ZNF385B: variants seen among roughly 807,000 people sequenced by gnomAD.
ZNF385B encodes the protein zinc finger protein 533.
Under a neutral mutation model 39.2 loss-of-function variants are expected in ZNF385B, and 23 were observed. The ratio of observed to expected loss-of-function variants is 0.59; its 90% CI spans 0.42 to 0.83. The LOEUF is 0.83. Ranked by LOEUF, ZNF385B falls within the 40% of genes least tolerant of loss-of-function variation. The pLI is 0.00. For missense variants in ZNF385B, 552 were observed against 598.9 expected (o/e 0.92, Z 0.82); for synonymous variants, 205 against 222.6 (o/e 0.92, Z 0.70).
intron 1 of ZNF385B, among the ~76,000 whole-genome samples, chr2:179,853,251 C>A (rs17775991): frequency 0.052 from 7,909 of 152,308 alleles, 288 homozygotes; most frequent in Middle Eastern, 0.078. Flanking sequence ...TTAAATGAGT[C>A]TGCCCTAGTT....
intron 4 of ZNF385B, among the ~76,000 whole-genome samples, chr2:179,539,230 G>C (rs2059766807): frequency 6.6e-6 from 1 of 152,140 alleles, no homozygotes; most frequent in African/African-American, 2.4e-5. Context: ...CCTTCTTACT[G>C]TGTGTTCCCA....
chr2:179,477,523 C>T (rs1329495825), intron 6 of ZNF385B, among the ~76,000 whole-genome samples: 1 of 152,168 alleles, frequency 6.6e-6, no homozygotes, highest in Non-Finnish European at 1.5e-5. Flanking sequence ...AAAACTATCT[C>T]CCTGCCCTCA....
At chr2:179,857,658 A>C (rs1684710112) in intron 1 of ZNF385B, among the ~76,000 whole-genome samples, 1 of 152,206 alleles carries the variant, frequency 6.6e-6, no homozygotes, top group African/African-American at 2.4e-5. Context: ...CAGGACTACT[A>C]AGGGTAGGGA....
chr2:179,833,674 C>T (rs1708099891), intron 1 of ZNF385B, among the ~76,000 whole-genome samples: 1 of 151,998 alleles, frequency 6.6e-6, no homozygotes, highest in Non-Finnish European at 1.5e-5. Context: ...CCTTTTTATA[C>T]ATTTTTGACT....
intron 3 of ZNF385B, among the ~76,000 whole-genome samples, chr2:179,563,595 C>T (rs1684190456): frequency 6.6e-6 from 1 of 152,086 alleles, no homozygotes; most frequent in Non-Finnish European, 1.5e-5. Flanking sequence ...TAATTAGATG[C>T]AGCAAAGAAA....
intron 1 of ZNF385B, among the ~76,000 whole-genome samples, chr2:179,807,903 AAAGAAAG>A (rs1706471205): frequency 6.8e-6 from 1 of 147,650 alleles, no homozygotes. Context: ...TGAAAGAAAG[AAAGAAAG>A]AAAGAAAGAA....
rs75489946 is a variant in ZNF385B at position 179,796,470 on chromosome 2, G to A, written c.-154-25798C>T. On this transcript the variant is annotated intron_variant, in intron 1 of 9. Coordinates refer to ENST00000410066, the MANE Select transcript of ZNF385B (RefSeq NM_152520.6). Reference sequence around the variant, plus strand: ...ACCATCCTAGCACTGCCTAAAGACAGCAGTCCATTTGAATACACTATACTA... The same window carrying A: ...ACCATCCTAGCACTGCCTAAAGACAACAGTCCATTTGAATACACTATACTA... Among the ~76,000 whole-genome samples, 492 of 152,196 alleles carry A rather than the reference G, an allele frequency of 3.2e-3. 3 individuals are homozygous for A. Among genetic ancestry groups the A allele is most frequent in the African/African-American group, 0.011 (469 of 41,536 alleles).
intron 3 of ZNF385B, among the ~76,000 whole-genome samples, chr2:179,593,765 G>A (rs2106080335): frequency 6.6e-6 from 1 of 152,296 alleles, no homozygotes; most frequent in Admixed American, 6.5e-5. Context: ...TAACTAGGGT[G>A]ACGATGTAAT....
intron 3 of ZNF385B, among the ~76,000 whole-genome samples, chr2:179,689,744 A>G (rs1341241710): frequency 6.6e-6 from 1 of 151,784 alleles, no homozygotes; most frequent in African/African-American, 2.4e-5. Flanking sequence ...CCACCAGCAA[A>G]AGACAAGACT....
At chr2:179,686,603 C>T (rs1193031895) in intron 3 of ZNF385B, among the ~76,000 whole-genome samples, 1 of 152,038 alleles carries the variant, frequency 6.6e-6, no homozygotes, top group African/African-American at 2.4e-5. Context: ...AATGACTGGT[C>T]GGCAGTTAGG....
chr2:179,462,535 T>G (rs10164437), intron 6 of ZNF385B, among the ~76,000 whole-genome samples: 121,989 of 151,988 alleles, frequency 0.8, 49,157 homozygotes, highest in East Asian at 0.94. Flanking sequence ...ACTGATGACA[T>G]ATATTTTAAA....
At chr2:179,801,147 AG>A (rs1258710502) in intron 1 of ZNF385B, among the ~76,000 whole-genome samples, 1 of 152,050 alleles carries the variant, frequency 6.6e-6, no homozygotes, top group Non-Finnish European at 1.5e-5. Flanking sequence ...AAATATCCTC[AG>A]GAGGTAATGA....
intron 1 of ZNF385B, among the ~76,000 whole-genome samples, chr2:179,841,307 G>A (rs909554719): frequency 6.6e-6 from 1 of 152,152 alleles, no homozygotes; most frequent in Non-Finnish European, 1.5e-5. Context: ...ATTAAGTGGA[G>A]AGTTTTGATA....
At chr2:179,707,539 C>A (rs1348422749) in intron 3 of ZNF385B, among the ~76,000 whole-genome samples, 1 of 152,192 alleles carries the variant, frequency 6.6e-6, no homozygotes, top group South Asian at 2.1e-4. Context: ...TGGGCATTAC[C>A]AAGCTCCAAT....
At chr2:179,568,907 GATAAACTAAC>G (rs1399440771) in intron 3 of ZNF385B, among the ~76,000 whole-genome samples, 1 of 152,098 alleles carries the variant, frequency 6.6e-6, no homozygotes, top group Non-Finnish European at 1.5e-5. Context: ...CTAAACTGAG[GATAAACTAAC>G]TTATTTTTTA....
intron 3 of ZNF385B, among the ~76,000 whole-genome samples, chr2:179,572,342 C>T (rs1480721360): frequency 6.6e-6 from 1 of 152,132 alleles, no homozygotes. Flanking sequence ...ATGGAGCTAA[C>T]TGCCTCGTGA....
chr2:179,744,991 T>A (rs1345634092), intron 3 of ZNF385B, among the ~76,000 whole-genome samples: 1 of 152,076 alleles, frequency 6.6e-6, no homozygotes, highest in Non-Finnish European at 1.5e-5. Flanking sequence ...CCAAGCATGA[T>A]GATCTAGTAA....
At chr2:179,771,218 C>G (rs1242980204) in intron 1 of ZNF385B, among the ~76,000 whole-genome samples, 5 of 152,082 alleles carry the variant, frequency 3.3e-5, no homozygotes, top group African/African-American at 9.7e-5. Context: ...TCCAAGTTGT[C>G]TCAGAGCTCT....
intron 3 of ZNF385B, among the ~76,000 whole-genome samples, chr2:179,696,983 A>T (rs2106356050): frequency 6.6e-6 from 1 of 152,344 alleles, no homozygotes; most frequent in Non-Finnish European, 1.5e-5. Context: ...GACCAGTGAT[A>T]ATCAAAGACC....
Sources: gnomAD v4.1 joint callset for allele counts (sites outside exome capture counted in the v4.1 genomes callset) on GRCh38, gnomAD v4.1.1 for gene constraint, MANE v1.5 for transcripts, NCBI Gene and HGNC (gene_info 2026-07-23, HGNC 2026-07-21) for gene names.